COL22A1: variants seen among roughly 807,000 people sequenced by gnomAD.
COL22A1 encodes the protein collagen alpha-1(XXII) chain.
COL22A1 carries 221 observed loss-of-function variants against 248.9 expected under a neutral mutation model. The observed-to-expected ratio is 0.89, with a 90% CI of 0.80 to 0.99. The LOEUF is 0.99. Ranked by LOEUF, COL22A1 falls within the 50% of genes least tolerant of loss-of-function variation. The pLI, the probability that COL22A1 is intolerant of heterozygous loss-of-function variation, is 0.00. For missense variants in COL22A1, 2,240 were observed against 2,179.0 expected, an observed-to-expected ratio of 1.03 and a Z score of -0.56; for synonymous variants, 891 against 793.4, an observed-to-expected ratio of 1.12 and a Z score of -2.07.
chr8:138,621,585 C>G (rs551935022), intron 52 of COL22A1, among the ~76,000 whole-genome samples: 1 of 152,338 alleles, frequency 6.6e-6, no homozygotes, highest in East Asian at 1.9e-4. Context: ...GGTCAATGCA[C>G]TGCTCTGCAG....
chr8:138,718,437 T>A (rs1829615209), intron 27 of COL22A1, among the ~76,000 whole-genome samples: 1 of 152,106 alleles, frequency 6.6e-6, no homozygotes, highest in South Asian at 2.1e-4. Flanking sequence ...CCATCTGAAG[T>A]CCTCCCTGAA....
At chr8:138,726,163 G>A (rs933711110) in intron 23 of COL22A1, among the ~76,000 whole-genome samples, 1 of 152,010 alleles carries the variant, frequency 6.6e-6, no homozygotes, top group Non-Finnish European at 1.5e-5. Context: ...TGAGGGGGAG[G>A]GCTGGGGAGG....
chr8:138,650,879 T>C (rs910105443), intron 45 of COL22A1, among the ~76,000 whole-genome samples: 13 of 152,142 alleles, frequency 8.5e-5, no homozygotes, highest in African/African-American at 2.9e-4. Context: ...CCACAGTGAG[T>C]GTGTGTCTTG....
At chr8:138,606,209 C>T (rs576310753) in intron 58 of COL22A1, among the ~76,000 whole-genome samples, 172 bp downstream of exon 58, 1 of 152,298 alleles carries the variant, frequency 6.6e-6, no homozygotes, top group South Asian at 2.1e-4. Flanking sequence ...GCAGGTGTGA[C>T]CTCTGGGCAC....
intron 49 of COL22A1, among the ~76,000 whole-genome samples, chr8:138,632,045 C>T (rs1238405781): frequency 6.6e-6 from 1 of 152,190 alleles, no homozygotes; most frequent in Admixed American, 6.5e-5. Context: ...GACAAATTCA[C>T]ACATGTGCCT....
At chr8:138,775,744 A>T (rs1381587230) in intron 16 of COL22A1, among the ~76,000 whole-genome samples, 2 of 152,218 alleles carry the variant, frequency 1.3e-5, no homozygotes, top group South Asian at 2.1e-4. Context: ...CAGCCTTCCC[A>T]GCACAACTTA....
At chr8:138,667,008 AGAT>A (rs1824559618) in intron 41 of COL22A1, among the ~76,000 whole-genome samples, 1 of 152,230 alleles carries the variant, frequency 6.6e-6, no homozygotes, top group South Asian at 2.1e-4. Context: ...AAATAAAAGA[AGAT>A]ACTATAAGTA....
At chr8:138,703,477 G>T (rs909305625) in intron 30 of COL22A1, 130 bp from the exon 31 acceptor site, 3 of 699,278 alleles carry the variant, frequency 4.3e-6, no homozygotes, top group Admixed American at 5.2e-5. Flanking sequence ...GCAGGTAGGT[G>T]CACCCTGCAC....
chr8:138,826,955 A>T (rs1819634244), intron 5 of COL22A1, among the ~76,000 whole-genome samples, 174 bp from the exon 6 acceptor site: 1 of 152,220 alleles, frequency 6.6e-6, no homozygotes, highest in Middle Eastern at 3.4e-3. Context: ...CAGGGCCTCA[A>T]TGTGGCCTAG....
intron 59 of COL22A1, among the ~76,000 whole-genome samples, chr8:138,602,988 A>C (rs1354017034): frequency 2.0e-5 from 3 of 152,262 alleles, no homozygotes; most frequent in Admixed American, 2.0e-4. Flanking sequence ...TTTGGAAAGC[A>C]GAGCTTGATA....
chr8:138,614,962 A>C (rs1209098642), intron 55 of COL22A1, among the ~76,000 whole-genome samples: 1 of 152,160 alleles, frequency 6.6e-6, no homozygotes, highest in Non-Finnish European at 1.5e-5. Context: ...GCTCTGAAGG[A>C]CCCACATGGT....
chr8:138,619,436 A>C lies in COL22A1; in HGVS notation c.3825+19T>G, dbSNP rs761689841. 7 of 1,612,468 alleles carry C rather than the reference A, an allele frequency of 4.3e-6. No homozygotes were observed. Among genetic ancestry groups the C allele is most frequent in the Non-Finnish European group, 5.1e-6 (6 of 1,178,560 alleles). ...GATGGGCTTGGTTCTACCGTTCCCCACACACACTACACACTTACAGGTGGG... is the reference window on the plus strand; with the variant it reads ...GATGGGCTTGGTTCTACCGTTCCCCCCACACACTACACACTTACAGGTGGG... On this transcript the variant is annotated intron_variant, in intron 53 of 64. Transcript: ENST00000303045.
At chr8:138,718,330 A>C (rs1829602756) in intron 27 of COL22A1, among the ~76,000 whole-genome samples, 1 of 152,194 alleles carries the variant, frequency 6.6e-6, no homozygotes, top group East Asian at 1.9e-4. Context: ...TGTTGCTTTC[A>C]ATCTGCTAGA....
chr8:138,680,992 G>C (rs1049631905), intron 39 of COL22A1, among the ~76,000 whole-genome samples: 1 of 148,476 alleles, frequency 6.7e-6, no homozygotes, highest in African/African-American at 2.5e-5. Context: ...TCTTCCCCCC[G>C]GGGGGGGTCT....
chr8:138,666,098 T>C (rs79616930), intron 41 of COL22A1, among the ~76,000 whole-genome samples: 10,909 of 152,268 alleles, frequency 0.072, 422 homozygotes, highest in Non-Finnish European at 0.074. Context: ...CAAGTCACAA[T>C]AAATTTCTGA....
intron 47 of COL22A1, among the ~76,000 whole-genome samples, chr8:138,638,991 C>A (rs951703871): frequency 6.6e-6 from 1 of 152,200 alleles, no homozygotes; most frequent in African/African-American, 2.4e-5. Flanking sequence ...TGATTCACTT[C>A]CTTCCAGAGA....
rs917092681 is a variant in COL22A1 at position 138,626,345 on chromosome 8, G to A, written c.3664-102C>T. 5 of 938,056 alleles carry A rather than the reference G, an allele frequency of 5.3e-6. No individual in the cohort carries two copies. In the African/African-American group the frequency reaches 8.3e-5, roughly 16 times the overall value. 58.1% of individuals were successfully genotyped at this position (938,056 alleles called of 1,614,324 possible). A position where few individuals can be genotyped will look rare whatever the true frequency, so the allele number is the denominator to read the frequency against. On this transcript the variant is annotated intron_variant, in intron 50 of 64. Transcript: ENST00000303045. ...GCATTCATGGGTTGGGGGAGTGAGTGTTTGGTGAGAAACAAGGAGTGCTTC... is the reference window on the plus strand; with the variant it reads ...GCATTCATGGGTTGGGGGAGTGAGTATTTGGTGAGAAACAAGGAGTGCTTC...
At chr8:138,748,394 C>T (rs961184077) in intron 22 of COL22A1, among the ~76,000 whole-genome samples, 1 of 152,190 alleles carries the variant, frequency 6.6e-6, no homozygotes, top group Non-Finnish European at 1.5e-5. Flanking sequence ...AAGAAGTCAA[C>T]ATGAGCTTTC....
chr8:138,781,031 C>A, intron 12 of COL22A1, 51 bp from the exon 13 acceptor site: 1 of 1,323,710 alleles, frequency 7.6e-7, no homozygotes, highest in Non-Finnish European at 1.1e-6. Context: ...CTGAGACAGG[C>A]TCTCAGAATG....
Sources: allele counts gnomAD v4.1 joint callset (sites outside exome capture counted in the v4.1 genomes callset), GRCh38; gene constraint gnomAD v4.1.1; transcripts MANE v1.5; gene names NCBI Gene and HGNC (gene_info 2026-07-23, HGNC 2026-07-21).